BAZ2B: variants seen among roughly 807,000 people sequenced by gnomAD.
BAZ2B encodes bromodomain adjacent to zinc finger domain protein 2B.
In BAZ2B, 91 loss-of-function variants were observed where a neutral mutation model predicts 246.0. The observed-to-expected ratio is 0.37, with a 90% CI of 0.31 to 0.44. The LOEUF (loss-of-function observed/expected upper bound fraction) is 0.44, where lower values mean the gene tolerates loss of function less well. Ranked by LOEUF, BAZ2B falls within the 20% of genes least tolerant of loss-of-function variation. BAZ2B has a pLI of 1.00. For synonymous variants in BAZ2B, 855 were observed against 860.0 expected (o/e 0.99, Z 0.10); for missense variants, 2,332 against 2,533.7 (o/e 0.92, Z 1.71).
At chr2:159,575,201 T>A (rs1268774943) in intron 1 of BAZ2B, among the ~76,000 whole-genome samples, 1 of 151,906 alleles carries the variant, frequency 6.6e-6, no homozygotes, top group Non-Finnish European at 1.5e-5. Flanking sequence ...GGAGAATGAC[T>A]CCACAGGGAG....
intron 16 of BAZ2B, among the ~76,000 whole-genome samples, chr2:159,401,054 A>C (rs1381642507): frequency 6.6e-6 from 1 of 152,214 alleles, no homozygotes; most frequent in Non-Finnish European, 1.5e-5. Flanking sequence ...AAATAAAAAA[A>C]AAAAAGTACA....
At chr2:159,643,638 T>C in the BAZ2B span, among the ~76,000 whole-genome samples, 1 of 151,536 alleles carries the variant, frequency 6.6e-6, no homozygotes, top group Admixed American at 6.6e-5. Flanking sequence ...ACTTTGGGAG[T>C]CCGAGGTAGG....
At chr2:159,469,037 A>G (rs992173941) in intron 3 of BAZ2B, among the ~76,000 whole-genome samples, 2 of 148,676 alleles carry the variant, frequency 1.3e-5, no homozygotes, top group East Asian at 2.0e-4. Flanking sequence ...GCGTTAGTTC[A>G]AGACTCTGTC....
chr2:159,540,455 A>G (rs1049458198), intron 2 of BAZ2B, among the ~76,000 whole-genome samples: 1 of 152,204 alleles, frequency 6.6e-6, no homozygotes, highest in Non-Finnish European at 1.5e-5. Context: ...GTCTCATAAG[A>G]TCACCTCAGG....
At chr2:159,613,948 G>A (rs1226349876) in intron 1 of BAZ2B, among the ~76,000 whole-genome samples, 1 of 152,124 alleles carries the variant, frequency 6.6e-6, no homozygotes, top group African/African-American at 2.4e-5. Flanking sequence ...AAATTTCTGT[G>A]TGTTACACAA....
At chr2:159,673,917 C>G in the BAZ2B span, among the ~76,000 whole-genome samples, 2 of 151,764 alleles carry the variant, frequency 1.3e-5, no homozygotes, top group African/African-American at 4.8e-5. Context: ...AACTAGTTAT[C>G]TAAAGAAGAT....
chr2:159,467,230 T>C (rs954918935), intron 3 of BAZ2B, among the ~76,000 whole-genome samples: 3 of 152,176 alleles, frequency 2.0e-5, no homozygotes, highest in Non-Finnish European at 4.4e-5. Flanking sequence ...TGCAGCCTTA[T>C]GTAAAAATTA....
At chr2:159,407,240 G>A (rs1157638033) in intron 14 of BAZ2B, among the ~76,000 whole-genome samples, 2 of 151,954 alleles carry the variant, frequency 1.3e-5, no homozygotes, top group African/African-American at 4.8e-5. Context: ...GGGAGGCTGA[G>A]GTAGGTGGAT....
chr2:159,352,300 G>C (rs977277066), intron 27 of BAZ2B, among the ~76,000 whole-genome samples: 1 of 151,928 alleles, frequency 6.6e-6, no homozygotes, highest in Admixed American at 6.6e-5. Context: ...ATTTCCTTAC[G>C]GAGATTTTCT....
intron 3 of BAZ2B, among the ~76,000 whole-genome samples, chr2:159,468,057 G>A (rs894337478): frequency 3.3e-5 from 5 of 152,204 alleles, no homozygotes; most frequent in Non-Finnish European, 5.9e-5. Context: ...CTATCCAAAC[G>A]CCTAGCTGCA....
intron 26 of BAZ2B, among the ~76,000 whole-genome samples, chr2:159,373,746 G>A (rs556323824): frequency 6.6e-6 from 1 of 152,122 alleles, no homozygotes; most frequent in African/African-American, 2.4e-5. Context: ...TGGGAGGATC[G>A]CTTGAGCCTG....
chr2:159,667,251 A>T, the BAZ2B span, among the ~76,000 whole-genome samples: 61 of 151,466 alleles, frequency 4.0e-4, no homozygotes, highest in Admixed American at 1.1e-3. Context: ...ATAAGATAGG[A>T]TTAATAATTT....
chr2:159,690,730 CAG>C, the BAZ2B span, among the ~76,000 whole-genome samples: 854 of 152,274 alleles, frequency 5.6e-3, 8 homozygotes, highest in African/African-American at 0.02. Context: ...CAAAAGATGA[CAG>C]AGGCAATACA....
chr2:159,382,356 T>C (rs1026145378), intron 25 of BAZ2B, among the ~76,000 whole-genome samples: 1 of 152,196 alleles, frequency 6.6e-6, no homozygotes, highest in Non-Finnish European at 1.5e-5. Context: ...CTTTTATGTA[T>C]AGACATTCTA....
At chr2:159,598,249 C>T (rs950352498) in intron 1 of BAZ2B, among the ~76,000 whole-genome samples, 1 of 152,110 alleles carries the variant, frequency 6.6e-6, no homozygotes, top group Non-Finnish European at 1.5e-5. Flanking sequence ...ACCTCAGCCT[C>T]CCAAAGTGCT....
At chr2:159,388,861 G>A (rs755850470) in intron 21 of BAZ2B, among the ~76,000 whole-genome samples, 1 of 151,986 alleles carries the variant, frequency 6.6e-6, no homozygotes, top group African/African-American at 2.4e-5. Flanking sequence ...GAGCCCAGGA[G>A]TTCAAGACCA....
intron 16 of BAZ2B, among the ~76,000 whole-genome samples, chr2:159,400,875 C>G (rs763609795): frequency 1.1e-4 from 17 of 151,974 alleles, no homozygotes; most frequent in Non-Finnish European, 2.1e-4. Context: ...CTCGTCTCTA[C>G]TAAAAATATT....
Position 159,347,537 on chromosome 2 carries a change from T to C in BAZ2B, c.5403A>G (p.Gln1801=), listed in dbSNP as rs1375123291. The C allele has an allele frequency of 1.9e-6, 3 of 1,613,998 alleles. No individual in the cohort carries two copies. Among genetic ancestry groups the C allele is most frequent in the East Asian group, 2.2e-5 (1 of 44,834 alleles). The change falls in exon 31 of 37, where the codon CAA becomes CAG. Residue 1801 remains glutamine, a synonymous_variant. Coordinates refer to ENST00000392783, the MANE Select transcript of BAZ2B (RefSeq NM_013450.4). The part of the protein sequence containing the change: ...QAMEMDLSVL[Q]QVEDLERRVA... Reference sequence around the variant, plus strand: ...CTCTCCTTTCTAGATCTTCTACCTGTTGAAGGACACTCAAATCCATTTCCA... The same window carrying C: ...CTCTCCTTTCTAGATCTTCTACCTGCTGAAGGACACTCAAATCCATTTCCA...
Position 159,400,668 on chromosome 2 carries a change from T to C in BAZ2B, c.2833-4A>G, listed in dbSNP as rs918277229. 7 of 1,501,544 alleles carry C rather than the reference T, an allele frequency of 4.7e-6. No individual in the cohort carries two copies. The highest frequency in any genetic ancestry group is 2.8e-5 in the African/African-American group (2 of 71,234). 93.0% of individuals were successfully genotyped at this position (1,501,544 alleles called of 1,614,324 possible). A position where few individuals can be genotyped will look rare whatever the true frequency, so the allele number is the denominator to read the frequency against. On this transcript the variant is annotated splice_region_variant and splice_polypyrimidine_tract_variant and intron_variant, in intron 16 of 36. Coordinates refer to ENST00000392783, the MANE Select transcript of BAZ2B (RefSeq NM_013450.4). Reference sequence around the variant, plus strand: ...GCTGTATTCTCTTAATTTTTTCCTGTAGGAAAAGTTATGATAACTTGAGAT... The same window carrying C: ...GCTGTATTCTCTTAATTTTTTCCTGCAGGAAAAGTTATGATAACTTGAGAT...
Sources: allele counts gnomAD v4.1 joint callset (sites outside exome capture counted in the v4.1 genomes callset), GRCh38; gene constraint gnomAD v4.1.1; transcripts MANE v1.5; gene names NCBI Gene and HGNC (gene_info 2026-07-23, HGNC 2026-07-21).